Variants in TRIQK observed in about 807,000 individuals in gnomAD.
The protein encoded by TRIQK is triple QxxK/R motif containing.
A neutral mutation model predicts 10.8 loss-of-function variants in TRIQK; 10 were observed. That is an observed-to-expected ratio of 0.92 (90% CI 0.57 to 1.57). TRIQK has a LOEUF of 1.57. Ranked by LOEUF, TRIQK falls within the 40% of genes most tolerant of loss-of-function variation. The pLI, the probability that TRIQK is intolerant of heterozygous loss-of-function variation, is 0.00. For synonymous variants in TRIQK, 33 were observed against 33.7 expected (o/e 0.98, Z 0.07); for missense variants, 107 against 97.7 (o/e 1.09, Z -0.40).
intron 3 of TRIQK, among the ~76,000 whole-genome samples, chr8:92,916,480 C>T (rs2130455555): frequency 6.6e-6 from 1 of 151,948 alleles, no homozygotes; most frequent in Non-Finnish European, 1.5e-5. Flanking sequence ...TTCTTTTTTT[C>T]TGAACTCAGG....
chr8:93,004,234 C>T (rs1277328412), intron 1 of TRIQK, among the ~76,000 whole-genome samples: 2 of 152,198 alleles, frequency 1.3e-5, no homozygotes, highest in Non-Finnish European at 2.9e-5. Flanking sequence ...GGCAGAGGCT[C>T]CCACACCTCA....
At chr8:92,975,774 G>A (rs923937470) in intron 1 of TRIQK, among the ~76,000 whole-genome samples, 2 of 151,624 alleles carry the variant, frequency 1.3e-5, no homozygotes, top group Admixed American at 1.3e-4. Context: ...ATTGATTAGA[G>A]TATTTTCTGT....
At chr8:92,910,449 G>A (rs1170088227) in intron 3 of TRIQK, among the ~76,000 whole-genome samples, 6 of 150,584 alleles carry the variant, frequency 4.0e-5, no homozygotes, top group Middle Eastern at 3.5e-3. Flanking sequence ...AGGTTAGAGC[G>A]GAGATTAGCA....
At chr8:92,950,479 C>A (rs1435213731) in intron 2 of TRIQK, among the ~76,000 whole-genome samples, 1 of 152,134 alleles carries the variant, frequency 6.6e-6, no homozygotes, top group Non-Finnish European at 1.5e-5. Flanking sequence ...GAAAAAATTT[C>A]TCAGGTAAAC....
intron 1 of TRIQK, among the ~76,000 whole-genome samples, chr8:92,990,751 G>GC (rs1482471584): frequency 6.6e-6 from 1 of 152,164 alleles, no homozygotes; most frequent in Non-Finnish European, 1.5e-5. Flanking sequence ...CATGGTCATT[G>GC]CAACCCGCAG....
intron 3 of TRIQK, among the ~76,000 whole-genome samples, chr8:92,915,279 C>T (rs1212038271): frequency 2.0e-5 from 3 of 152,022 alleles, no homozygotes; most frequent in Non-Finnish European, 4.4e-5. Flanking sequence ...AACTATAGAT[C>T]TAATATACCA....
chr8:92,913,671 T>A (rs1221691393), intron 3 of TRIQK, among the ~76,000 whole-genome samples: 1 of 152,174 alleles, frequency 6.6e-6, no homozygotes, highest in Non-Finnish European at 1.5e-5. Context: ...CATCCACACT[T>A]ATGTTTACTG....
At chr8:92,912,998 C>A (rs974743075) in intron 3 of TRIQK, among the ~76,000 whole-genome samples, 2 of 152,008 alleles carry the variant, frequency 1.3e-5, no homozygotes, top group Non-Finnish European at 2.9e-5. Context: ...GCCAAAGACA[C>A]CACACCGAAG....
intron 1 of TRIQK, chr8:92,965,492 TGAA>T (rs918983410): frequency 2.6e-5 from 4 of 151,246 alleles, no homozygotes; most frequent in Non-Finnish European, 5.9e-5. Flanking sequence ...GGAAAAAGAG[TGAA>T]GAGGAGTACC....
intron 2 of TRIQK, among the ~76,000 whole-genome samples, chr8:92,942,215 A>G (rs1811303658): frequency 6.6e-6 from 1 of 152,124 alleles, no homozygotes; most frequent in South Asian, 2.1e-4. Context: ...AGTGAGATTC[A>G]CCCCAGGATG....
Position 92,886,652 on chromosome 8 carries a change from A to G in TRIQK, c.231T>C (p.Val77=), listed in dbSNP as rs2130220702. The G allele has an allele frequency of 6.5e-7, 1 of 1,530,486 alleles. No individual in the cohort carries two copies. Among genetic ancestry groups the G allele is most frequent in the East Asian group, 2.5e-5 (1 of 40,672 alleles). 94.8% of individuals were successfully genotyped at this position (1,530,486 alleles called of 1,614,324 possible). A position where few individuals can be genotyped will look rare whatever the true frequency, so the allele number is the denominator to read the frequency against. Residue 77 remains valine (V), a synonymous_variant, in exon 5 of 5, where the codon GTT becomes GTC. Transcript: ENST00000521988. ...AFFYLRLTTD[V]DPDLDQDED ...CTTCATCTTGGTCCAGATCAGGGTC[A>G]ACATCCGTGGTGAGTCTGAGATAAA... is the stretch of plus-strand genomic sequence containing the variant.
chr8:92,923,126 A>G lies in TRIQK; in HGVS notation c.-21-6116T>C, dbSNP rs569598538. Among the ~76,000 whole-genome samples, 258 of 151,920 alleles carry G rather than the reference A, an allele frequency of 1.7e-3. 2 individuals are homozygous for G. The highest frequency in any genetic ancestry group is 5.8e-3 in the African/African-American group (242 of 41,546). The stretch of plus-strand genomic sequence containing the variant: ...AAAGAGATACCTATTCATCTGTATG[A>G]TGCAAACTGTCAATGACTCAGACAT... On this transcript the variant is annotated intron_variant, in intron 2 of 4. Transcript: ENST00000521988.
At chr8:92,915,656 T>TG (rs1279737507) in intron 3 of TRIQK, among the ~76,000 whole-genome samples, 9 of 8,772 alleles carry the variant, frequency 1.0e-3, no homozygotes, top group African/African-American at 4.5e-3. Flanking sequence ...GACGCCCGGC[T>TG]AATTTTTTTT....
intron 4 of TRIQK, among the ~76,000 whole-genome samples, chr8:92,891,356 T>A (rs193043777): frequency 6.6e-5 from 10 of 152,056 alleles, no homozygotes; most frequent in Admixed American, 5.9e-4. Flanking sequence ...AATTCTTCTA[T>A]TAATAGTTTA....
intron 1 of TRIQK, among the ~76,000 whole-genome samples, chr8:93,006,902 A>T (rs1813279354): frequency 1.3e-5 from 2 of 152,182 alleles, no homozygotes; most frequent in African/African-American, 4.8e-5. Flanking sequence ...GTCTCTGTGG[A>T]TAAGCAGGCT....
intron 3 of TRIQK, among the ~76,000 whole-genome samples, chr8:92,901,953 A>G (rs534977965): frequency 6.6e-6 from 1 of 152,200 alleles, no homozygotes; most frequent in Non-Finnish European, 1.5e-5. Flanking sequence ...GGATTTCTTC[A>G]TGGTTCAATC....
chr8:92,918,518 T>C (rs917264891), intron 2 of TRIQK, among the ~76,000 whole-genome samples: 1 of 152,074 alleles, frequency 6.6e-6, no homozygotes, highest in African/African-American at 2.4e-5. Flanking sequence ...GCCATTTGTA[T>C]CTTCTTTTGA....
rs1375302229 is a variant in TRIQK, at chr8:92,885,343, A to T, written c.*1279T>A. 1 of 194,138 alleles carries T rather than the reference A, an allele frequency of 5.2e-6. No homozygotes were observed. 12.0% of individuals were successfully genotyped at this position (194,138 alleles called of 1,614,324 possible). The stretch of plus-strand genomic sequence containing the variant: ...GATTTCTTCTCTTGGCTAGCAGGAA[A>T]ACAATCTTAATATTTTATTTATTCT... On this transcript the variant is annotated 3_prime_UTR_variant, in exon 5 of 5. Transcript: ENST00000521988.
At chr8:92,957,518 T>C (rs1246070477) in intron 1 of TRIQK, among the ~76,000 whole-genome samples, 2 of 151,888 alleles carry the variant, frequency 1.3e-5, no homozygotes, top group Non-Finnish European at 2.9e-5. Context: ...CAGTTAAATT[T>C]TACAAAGGCA....
Sources: gnomAD v4.1 joint callset for allele counts (sites outside exome capture counted in the v4.1 genomes callset) on GRCh38, gnomAD v4.1.1 for gene constraint, MANE v1.5 for transcripts, NCBI Gene and HGNC (gene_info 2026-07-23, HGNC 2026-07-21) for gene names.